Variants in TRMT1L observed in about 807,000 individuals in gnomAD.
The protein encoded by TRMT1L is tRNA methyltransferase 1L.
TRMT1L carries 28 observed loss-of-function variants against 81.6 expected under a neutral mutation model. The observed-to-expected ratio is 0.34, with a 90% CI of 0.25 to 0.47. The LOEUF (loss-of-function observed/expected upper bound fraction) is 0.47, where lower values mean the gene tolerates loss of function less well. TRMT1L is among the 20% of genes least tolerant of loss of function. The pLI is 1.00. For synonymous variants in TRMT1L, 301 were observed against 303.2 expected, an observed-to-expected ratio of 0.99 and a Z score of 0.07; for missense variants, 739 against 877.1, an observed-to-expected ratio of 0.84 and a Z score of 1.99.
In TRMT1L at chr1:185,151,806, A is replaced by G; in HGVS notation, c.346+19T>C. 6.6e-7 allele frequency: 1 copy of G among 1,516,396 alleles called. No homozygotes were observed. The highest frequency in any genetic ancestry group is 8.9e-7 in the Non-Finnish European group (1 of 1,126,878). The allele number at this position is 1,516,396 out of a possible 1,614,324, so 93.9% of individuals were successfully genotyped here. ...TTATTAGAAACTAAGAAAAAAAAAA[A>G]ACCCAAACATGGAAATACCTGCATC... On this transcript the variant is annotated intron_variant, in intron 2 of 14. Transcript: ENST00000367506.
intron 13 of TRMT1L, among the ~76,000 whole-genome samples, chr1:185,122,417 G>C (rs548191855): frequency 1.8e-3 from 268 of 152,236 alleles, no homozygotes; most frequent in African/African-American, 6.2e-3. Flanking sequence ...AAGGCTCACA[G>C]ATTAAAAACA....
chr1:185,132,199 CT>C (rs1383599058), intron 10 of TRMT1L, among the ~76,000 whole-genome samples: 1 of 151,552 alleles, frequency 6.6e-6, no homozygotes, highest in Non-Finnish European at 1.5e-5. Flanking sequence ...TTTATCAGAG[CT>C]GAAGAGCTCA....
chr1:185,131,583 A>ACTAGCCT (rs903809365), intron 10 of TRMT1L, among the ~76,000 whole-genome samples: 2 of 152,124 alleles, frequency 1.3e-5, no homozygotes, highest in Non-Finnish European at 2.9e-5. Flanking sequence ...TAATCACTTG[A>ACTAGCCT]CTAGCCTAAA....
At chr1:185,150,284 A>T in intron 3 of TRMT1L, 95 bp downstream of exon 3, 1 of 828,994 alleles carries the variant, frequency 1.2e-6, no homozygotes. Flanking sequence ...TTTAAACTGA[A>T]AATATTTGAT....
chr1:185,148,678 G>T (rs1037642473), intron 3 of TRMT1L, among the ~76,000 whole-genome samples: 9 of 152,150 alleles, frequency 5.9e-5, no homozygotes, highest in African/African-American at 2.2e-4. Context: ...GCTAAACAAT[G>T]ACCTAAGTAA....
intron 3 of TRMT1L, among the ~76,000 whole-genome samples, chr1:185,149,936 T>A (rs1653295635): frequency 6.6e-6 from 1 of 152,212 alleles, no homozygotes; most frequent in African/African-American, 2.4e-5. Context: ...TTATCTTGTA[T>A]CCCACCATTC....
chr1:185,157,086 C>T, upstream of TRMT1L: 1 of 212,368 alleles, frequency 4.7e-6, no homozygotes, highest in Non-Finnish European at 9.5e-6. Context: ...ACCCAGGATA[C>T]ACTGCGCAGT....
chr1:185,134,561 G>A (rs576327496), intron 10 of TRMT1L, among the ~76,000 whole-genome samples: 1 of 152,294 alleles, frequency 6.6e-6, no homozygotes, highest in East Asian at 1.9e-4. Flanking sequence ...GGACATACTT[G>A]TTTATTCTAA....
rs1436381521 is a variant in TRMT1L at position 185,121,794 on chromosome 1, ACTTT to A, written c.1823-1289_1823-1286del. 6.6e-5 allele frequency among the ~76,000 whole-genome samples: 10 copies of A among 152,042 alleles called. 1 individual carries two copies. The highest frequency in any genetic ancestry group is 8.8e-5 in the Non-Finnish European group (6 of 68,008). ...TCTTCTTTTTTAAAAAATAATTTCA[ACTTT>A]CTTTATCGATTAAAGGGTATATGTG... On this transcript the variant is annotated intron_variant, in intron 13 of 14. Coordinates refer to ENST00000367506, the MANE Select transcript of TRMT1L (RefSeq NM_030934.5).
In TRMT1L at chr1:185,149,010, T is replaced by C. The variant is rs560293297; in HGVS notation, c.460+1369A>G. On this transcript the variant is annotated intron_variant, in intron 3 of 14. Coordinates refer to ENST00000367506, the MANE Select transcript of TRMT1L (RefSeq NM_030934.5). ...AATATAAATGTATATATGTTTAAGA[T>C]TGATACTTAGGTTTCTTTTGAGGGT... 2.6e-5 allele frequency among the ~76,000 whole-genome samples: 4 copies of C among 152,326 alleles called. No homozygotes were observed. The South Asian group carries it at 8.3e-4, about 32-fold the overall frequency.
intron 11 of TRMT1L, among the ~76,000 whole-genome samples, chr1:185,127,107 C>CTG (rs1263862900): frequency 1.3e-5 from 2 of 152,214 alleles, no homozygotes; most frequent in African/African-American, 2.4e-5. Flanking sequence ...CTTAAAAACA[C>CTG]TGTGCCATAG....
In TRMT1L at chr1:185,118,824, C is replaced by CT. The variant is rs1308776920; in HGVS notation, c.*1194dup. 3.4e-4 allele frequency: 52 copies of CT among 151,892 alleles called. No individual in the cohort carries two copies. Among genetic ancestry groups the CT allele is most frequent in the African/African-American group, 1.2e-3 (48 of 41,392 alleles). The allele number at this position is 151,892 out of a possible 1,614,324, so 9.4% of individuals were successfully genotyped here. ...TTTTTTTGTATATGTCACAGAAGTA[C>CT]TTTTTTCTTAGGTAGTATATTTAAA... is the stretch of plus-strand genomic sequence containing the variant. On this transcript the variant is annotated 3_prime_UTR_variant, in exon 15 of 15. Coordinates refer to ENST00000367506, the MANE Select transcript of TRMT1L (RefSeq NM_030934.5).
At chr1:185,134,418 C>G (rs1652846864) in intron 10 of TRMT1L, among the ~76,000 whole-genome samples, 1 of 152,142 alleles carries the variant, frequency 6.6e-6, no homozygotes, top group Non-Finnish European at 1.5e-5. Flanking sequence ...AACTCCTGAC[C>G]TCAGGTGGTC....
chr1:185,128,529 G>T (rs1652691298), intron 11 of TRMT1L, 140 bp downstream of exon 11: 1 of 747,486 alleles, frequency 1.3e-6, no homozygotes, highest in Admixed American at 2.4e-5. Context: ...CAGGTTCATA[G>T]GAGGAGAAGA....
intron 4 of TRMT1L, among the ~76,000 whole-genome samples, chr1:185,146,614 A>G (rs1653194411): frequency 6.6e-6 from 1 of 152,072 alleles, no homozygotes; most frequent in African/African-American, 2.4e-5. Context: ...AGAAAATGTA[A>G]TAATGGGAAC....
chr1:185,153,279 T>G (rs542732332), intron 1 of TRMT1L, among the ~76,000 whole-genome samples: 1 of 152,148 alleles, frequency 6.6e-6, no homozygotes, highest in Non-Finnish European at 1.5e-5. Context: ...AGGGGATACA[T>G]TCCCTACCTG....
intron 13 of TRMT1L, among the ~76,000 whole-genome samples, chr1:185,122,725 C>G (rs973684015): frequency 2.7e-4 from 39 of 146,284 alleles, no homozygotes; most frequent in Non-Finnish European, 5.2e-4. Flanking sequence ...CGATCTGTCA[C>G]CCAGGCTGGA....
Position 185,150,369 on chromosome 1 carries a change from A to G in TRMT1L, c.460+10T>C. The G allele has an allele frequency of 6.3e-7, 1 of 1,597,982 alleles. No individual in the cohort carries two copies. ...ATATATTACTTCTTTGCAAGCACAA[A>G]AATACTAACCTTCAAATTCAACTGA... On this transcript the variant is annotated intron_variant, in intron 3 of 14. Transcript: ENST00000367506.
chr1:185,156,912 G>T lies in TRMT1L; in HGVS notation c.-200C>A. 1.4e-6 allele frequency: 1 copy of T among 692,254 alleles called. No homozygotes were observed. The highest frequency in any genetic ancestry group is 2.3e-6 in the Non-Finnish European group (1 of 443,742). 42.9% of individuals were successfully genotyped at this position (692,254 alleles called of 1,614,324 possible). The stretch of plus-strand genomic sequence containing the variant: ...TAGAAAACAGAAAGCCAGAGGCAGC[G>T]ATTCCAGATGCCCGTCCGCTTCCCT... On this transcript the variant is annotated 5_prime_UTR_variant, in exon 1 of 15. Coordinates refer to ENST00000367506, the MANE Select transcript of TRMT1L (RefSeq NM_030934.5).
Sources: allele counts gnomAD v4.1 joint callset (sites outside exome capture counted in the v4.1 genomes callset), GRCh38; gene constraint gnomAD v4.1.1; transcripts MANE v1.5; gene names NCBI Gene and HGNC (gene_info 2026-07-23, HGNC 2026-07-21).